NAV3: variants seen among roughly 807,000 people sequenced by gnomAD.
NAV3 encodes pore membrane and/or filament interacting like protein 1.
In NAV3, 87 loss-of-function variants were observed where a neutral mutation model predicts 244.7. The ratio of observed to expected loss-of-function variants is 0.36; its 90% confidence interval spans 0.30 to 0.42. The LOEUF is 0.42. Ranked by LOEUF, NAV3 falls within the 20% of genes least tolerant of loss-of-function variation. The pLI is 1.00. For missense variants in NAV3, 2,663 were observed against 2,893.3 expected, an observed-to-expected ratio of 0.92 and a Z score of 1.83; for synonymous variants, 1,126 against 1,042.2, an observed-to-expected ratio of 1.08 and a Z score of -1.55.
intron 2 of NAV3, among the ~76,000 whole-genome samples, chr12:77,775,388 A>G (rs1335638895): frequency 6.7e-6 from 1 of 149,554 alleles, no homozygotes; most frequent in Non-Finnish European, 1.5e-5. Flanking sequence ...GCAAAAGTCC[A>G]TCTTGAAAAA....
intron 2 of NAV3, among the ~76,000 whole-genome samples, chr12:77,636,464 CAA>C (rs372405959): frequency 0.048 from 3,670 of 76,666 alleles, 41 homozygotes; most frequent in Middle Eastern, 0.15. Flanking sequence ...GACACCGTCT[CAA>C]AAAAAAAAAA....
At chr12:77,949,180 A>G (rs1025983543) in intron 3 of NAV3, among the ~76,000 whole-genome samples, 3 of 152,058 alleles carry the variant, frequency 2.0e-5, no homozygotes, top group African/African-American at 7.2e-5. Flanking sequence ...ATTACATAAA[A>G]ACATACAAAT....
intron 2 of NAV3, among the ~76,000 whole-genome samples, chr12:77,734,903 T>C (rs1877274532): frequency 6.6e-6 from 1 of 152,176 alleles, no homozygotes; most frequent in East Asian, 1.9e-4. Context: ...ATTTCCTTCA[T>C]TTGCTTTTGA....
At chr12:77,748,584 G>C (rs998609079) in intron 2 of NAV3, among the ~76,000 whole-genome samples, 1 of 152,142 alleles carries the variant, frequency 6.6e-6, no homozygotes, top group African/African-American at 2.4e-5. Flanking sequence ...CCTAACATTT[G>C]TGACAGCATA....
At chr12:78,142,670 TAC>T (rs764046596) in intron 20 of NAV3, among the ~76,000 whole-genome samples, 29,337 of 136,206 alleles carry the variant, frequency 0.22, 4,173 homozygotes, top group East Asian at 0.31. Context: ...TGTATATATA[TAC>T]ATATATATGT....
intron 1 of NAV3, among the ~76,000 whole-genome samples, chr12:77,854,226 A>G (rs539929031): frequency 6.6e-6 from 1 of 152,322 alleles, no homozygotes; most frequent in South Asian, 2.1e-4. Flanking sequence ...ATGATGTTTC[A>G]TCAGCAATAT....
chr12:77,882,924 A>G (rs1472864000), intron 1 of NAV3, among the ~76,000 whole-genome samples: 2 of 152,098 alleles, frequency 1.3e-5, no homozygotes, highest in Non-Finnish European at 2.9e-5. Flanking sequence ...AAAAAGTCAA[A>G]AAACCACAGG....
At chr12:77,943,299 A>G (rs1288222783) in intron 3 of NAV3, among the ~76,000 whole-genome samples, 2 of 152,162 alleles carry the variant, frequency 1.3e-5, no homozygotes, top group Non-Finnish European at 2.9e-5. Context: ...AACAAAATAG[A>G]AAGACCACAG....
At chr12:77,747,280 GTTGT>G (rs1386494452) in intron 2 of NAV3, among the ~76,000 whole-genome samples, 3 of 152,102 alleles carry the variant, frequency 2.0e-5, no homozygotes, top group African/African-American at 7.2e-5. Flanking sequence ...TGTTGATGGG[GTTGT>G]TTGTTTTTCA....
At chr12:78,113,459 C>A (rs1593634680) in intron 12 of NAV3, among the ~76,000 whole-genome samples, 1 of 152,242 alleles carries the variant, frequency 6.6e-6, no homozygotes, top group East Asian at 1.9e-4. Flanking sequence ...GGTTTCCAGA[C>A]CTCAATTGTT....
At chr12:77,711,099 T>C (rs1185052345) in intron 2 of NAV3, among the ~76,000 whole-genome samples, 1 of 152,218 alleles carries the variant, frequency 6.6e-6, no homozygotes, top group African/African-American at 2.4e-5. Flanking sequence ...TTGGAAATAA[T>C]TGCCAATTGA....
chr12:77,981,049 C>T (rs1042700955), intron 5 of NAV3, among the ~76,000 whole-genome samples: 2 of 152,120 alleles, frequency 1.3e-5, no homozygotes, highest in Admixed American at 1.3e-4. Flanking sequence ...ATCACAGTAA[C>T]CTGTCCCAAA....
At chr12:77,942,879 A>G (rs1890007983) in intron 3 of NAV3, among the ~76,000 whole-genome samples, 2 of 152,228 alleles carry the variant, frequency 1.3e-5, no homozygotes, top group South Asian at 4.2e-4. Flanking sequence ...AAAGCTCAAC[A>G]GTCCCCTGAA....
chr12:78,140,244 TA>T, intron 19 of NAV3, 37 bp from the exon 20 acceptor site: 1 of 1,586,214 alleles, frequency 6.3e-7, no homozygotes, highest in Non-Finnish European at 8.6e-7. Flanking sequence ...GAGTAGACCT[TA>T]TTGTTTTAAC....
rs138540418 is a variant in NAV3 at position 77,581,971 on chromosome 12, A to G, written c.72+9705A>G. Reference sequence around the variant, plus strand: ...GCTTCTAGGTAATATGTGAATAGCAACATACAATTACAAAGCACTTTTCCT... The same window carrying G: ...GCTTCTAGGTAATATGTGAATAGCAGCATACAATTACAAAGCACTTTTCCT... On this transcript the variant is annotated intron_variant, in intron 2 of 8. Coordinates refer to the NAV3 transcript ENST00000550042. Among the ~76,000 whole-genome samples the G allele has an allele frequency of 3.0e-3, 456 of 152,304 alleles. 1 individual carries two copies. The highest frequency in any genetic ancestry group is 0.01 in the African/African-American group (435 of 41,558).
chr12:77,577,348 A>T (rs1234369204), intron 2 of NAV3, among the ~76,000 whole-genome samples: 1 of 152,018 alleles, frequency 6.6e-6, no homozygotes, highest in Non-Finnish European at 1.5e-5. Context: ...CTTGGATAGA[A>T]CCTCCTTTCA....
intron 28 of NAV3, chr12:78,179,314 A>G: frequency 2.2e-6 from 1 of 457,994 alleles, no homozygotes. Context: ...TTTAAAAAAT[A>G]GAAAAAAAGA....
chr12:77,799,928 C>T (rs1229902653), intron 2 of NAV3, among the ~76,000 whole-genome samples: 1 of 152,000 alleles, frequency 6.6e-6, no homozygotes, highest in Non-Finnish European at 1.5e-5. Flanking sequence ...TTTGATTCCC[C>T]AGAATCTCAA....
At chr12:78,002,762 A>T (rs1052488958) in intron 7 of NAV3, among the ~76,000 whole-genome samples, 7 of 152,100 alleles carry the variant, frequency 4.6e-5, no homozygotes, top group African/African-American at 1.2e-4. Flanking sequence ...TGTTAATGTC[A>T]TAATTTCAGG....
Sources: gnomAD v4.1 joint callset for allele counts (sites outside exome capture counted in the v4.1 genomes callset) on GRCh38, gnomAD v4.1.1 for gene constraint, MANE v1.5 for transcripts, NCBI Gene and HGNC (gene_info 2026-07-23, HGNC 2026-07-21) for gene names.